Variants in DCC observed in about 807,000 individuals in gnomAD.
DCC encodes DCC netrin 1 receptor, also known as netrin receptor DCC.
DCC carries 58 observed loss-of-function variants against 172.5 expected under a neutral mutation model. That is an observed-to-expected ratio of 0.34 (90% CI 0.27 to 0.42). DCC has a LOEUF of 0.42. Among genes scored for constraint, DCC ranks in the 10% least tolerant of loss-of-function variants. The pLI, the probability that DCC is intolerant of heterozygous loss-of-function variation, is 1.00. For missense variants in DCC, 1,740 were observed against 1,791.0 expected (o/e 0.97, Z 0.51); for synonymous variants, 709 against 644.5 (o/e 1.10, Z -1.52).
chr18:52,585,614 C>T (rs903132985), intron 1 of DCC, among the ~76,000 whole-genome samples: 1 of 152,188 alleles, frequency 6.6e-6, no homozygotes, highest in Non-Finnish European at 1.5e-5. Flanking sequence ...AATGTGAGCA[C>T]TTCAGAATTC....
chr18:52,925,027 G>C (rs17390646), intron 4 of DCC, among the ~76,000 whole-genome samples: 12,580 of 151,388 alleles, frequency 0.083, 699 homozygotes, highest in Non-Finnish European at 0.13. Flanking sequence ...TCATTTATTT[G>C]ATCGCTACAC....
intron 3 of DCC, among the ~76,000 whole-genome samples, chr18:52,921,002 G>A (rs763093182): frequency 1.8e-4 from 27 of 152,154 alleles, no homozygotes; most frequent in Non-Finnish European, 3.1e-4. Flanking sequence ...ATGATCAGTG[G>A]TTGCCTGGAG....
intron 1 of DCC, among the ~76,000 whole-genome samples, chr18:52,426,440 A>G (rs932867967): frequency 2.0e-5 from 3 of 152,060 alleles, no homozygotes; most frequent in African/African-American, 7.2e-5. Flanking sequence ...CAGTGGGCAC[A>G]AGAGTTATAT....
rs375019807 is a variant in DCC at position 53,459,426 on chromosome 18, C to T, written c.3587C>T (p.Thr1196Ile). 19 of 1,613,330 alleles carry T rather than the reference C, an allele frequency of 1.2e-5. No homozygotes were observed. The highest frequency in any genetic ancestry group is 2.2e-5 in the East Asian group (1 of 44,864). The change falls in exon 24 of 29, where the codon ACC (threonine) becomes ATC (isoleucine). Residue 1196 changes from threonine (T) to isoleucine (I), a missense_variant. Coordinates refer to ENST00000442544, the MANE Select transcript of DCC (RefSeq NM_005215.4). ...LTPVSHSQSE[T>I]QLGSKSTSHS... is the part of the protein sequence containing the mutation. The stretch of plus-strand genomic sequence containing the variant: ...CCAGTCAGCCACAGCCAGTCAGAAA[C>T]CCAACTGGGAAGCAAAAGCACCTCT...
At chr18:53,472,504 A>G (rs763669423) in intron 25 of DCC, among the ~76,000 whole-genome samples, 35 of 152,120 alleles carry the variant, frequency 2.3e-4, no homozygotes, top group Admixed American at 3.9e-4. Context: ...CCAATCATTT[A>G]TTGCTTTCTT....
intron 7 of DCC, among the ~76,000 whole-genome samples, chr18:53,154,000 G>A (rs185183354): frequency 3.3e-5 from 5 of 152,304 alleles, no homozygotes; most frequent in East Asian, 1.9e-4. Flanking sequence ...GCTACTGAAC[G>A]TTGCTAACTG....
chr18:53,428,768 T>C (rs1426234801), intron 21 of DCC, among the ~76,000 whole-genome samples: 1 of 56,030 alleles, frequency 1.8e-5, no homozygotes, highest in African/African-American at 5.8e-5. Context: ...ATAAATTATA[T>C]ATTATATATT....
chr18:52,879,879 T>G (rs2039458120), intron 2 of DCC, among the ~76,000 whole-genome samples: 1 of 152,170 alleles, frequency 6.6e-6, no homozygotes, highest in Admixed American at 6.5e-5. Flanking sequence ...TCAGGAAATA[T>G]TTTTCATTTT....
intron 2 of DCC, among the ~76,000 whole-genome samples, chr18:52,876,510 G>C (rs2039405227): frequency 6.6e-6 from 1 of 152,150 alleles, no homozygotes; most frequent in African/African-American, 2.4e-5. Flanking sequence ...GGATGTCACA[G>C]TTTATAAAGA....
At chr18:53,099,943 C>CTTTTT (rs533618559) in intron 7 of DCC, among the ~76,000 whole-genome samples, 25 of 92,750 alleles carry the variant, frequency 2.7e-4, no homozygotes, top group East Asian at 4.5e-4. Flanking sequence ...TTCTTTCTTT[C>CTTTTT]TTTTTTTTTT....
chr18:52,993,883 G>T (rs1378758735), intron 5 of DCC, among the ~76,000 whole-genome samples: 2 of 151,638 alleles, frequency 1.3e-5, no homozygotes, highest in African/African-American at 4.8e-5. Flanking sequence ...CTGTAATGTG[G>T]ATTAAGATAA....
intron 15 of DCC, among the ~76,000 whole-genome samples, chr18:53,352,585 A>C (rs1329058170): frequency 6.6e-6 from 1 of 152,072 alleles, no homozygotes; most frequent in Non-Finnish European, 1.5e-5. Flanking sequence ...ACATATATTC[A>C]TTATTTTACT....
At chr18:53,321,224 C>T (rs943185232) in intron 13 of DCC, among the ~76,000 whole-genome samples, 2 of 152,092 alleles carry the variant, frequency 1.3e-5, no homozygotes, top group Non-Finnish European at 2.9e-5. Context: ...TTATCTTTAT[C>T]AGCGTTGTTT....
intron 1 of DCC, among the ~76,000 whole-genome samples, chr18:52,517,865 G>GT (rs1308429527): frequency 6.6e-6 from 1 of 152,078 alleles, no homozygotes; most frequent in Non-Finnish European, 1.5e-5. Context: ...TCTGGGTCTG[G>GT]TTTTATCCAT....
intron 1 of DCC, among the ~76,000 whole-genome samples, chr18:52,380,430 C>G: frequency 6.6e-6 from 1 of 152,076 alleles, no homozygotes; most frequent in Non-Finnish European, 1.5e-5. Flanking sequence ...CTTGTGGTAC[C>G]CAAGCACCTA....
At chr18:53,340,748 C>T (rs1250379061) in intron 15 of DCC, among the ~76,000 whole-genome samples, 1 of 151,964 alleles carries the variant, frequency 6.6e-6, no homozygotes, top group Non-Finnish European at 1.5e-5. Context: ...TTTCATAAAG[C>T]AAAATGTAAG....
intron 5 of DCC, among the ~76,000 whole-genome samples, chr18:52,988,093 T>G (rs532645677): frequency 1.3e-5 from 2 of 152,340 alleles, no homozygotes; most frequent in South Asian, 4.1e-4. Flanking sequence ...CAGCACCTCA[T>G]TCCAAAAATA....
At chr18:52,862,897 CTA>C (rs1245463853) in intron 2 of DCC, among the ~76,000 whole-genome samples, 2 of 151,944 alleles carry the variant, frequency 1.3e-5, no homozygotes, top group Non-Finnish European at 2.9e-5. Flanking sequence ...AAATATTTTA[CTA>C]TGTCTTGTTA....
At chr18:52,886,036 A>G (rs2039564630) in intron 2 of DCC, among the ~76,000 whole-genome samples, 2 of 151,770 alleles carry the variant, frequency 1.3e-5, no homozygotes, top group South Asian at 4.2e-4. Context: ...GATGCAAGAC[A>G]AAGTCCTCTT....
Sources: gnomAD v4.1 joint callset for allele counts (sites outside exome capture counted in the v4.1 genomes callset) on GRCh38, gnomAD v4.1.1 for gene constraint, MANE v1.5 for transcripts, NCBI Gene and HGNC (gene_info 2026-07-23, HGNC 2026-07-21) for gene names.